ASIC2: variants seen among roughly 807,000 people sequenced by gnomAD.
ASIC2 encodes the protein acid-sensing ion channel 2.
ASIC2 carries 25 observed loss-of-function variants against 57.3 expected under a neutral mutation model. The ratio of observed to expected loss-of-function variants is 0.44; its 90% CI spans 0.32 to 0.61. The LOEUF is 0.61. Among genes scored for constraint, ASIC2 ranks in the 20% least tolerant of loss-of-function variants. The pLI is 0.06. For missense variants in ASIC2, 641 were observed against 738.1 expected, an observed-to-expected ratio of 0.87 and a Z score of 1.52; for synonymous variants, 319 against 307.5, an observed-to-expected ratio of 1.04 and a Z score of -0.39.
At chr17:33,853,018 C>T (rs895800898) in intron 1 of ASIC2, among the ~76,000 whole-genome samples, 1 of 152,234 alleles carries the variant, frequency 6.6e-6, no homozygotes, top group Non-Finnish European at 1.5e-5. Context: ...AAAAAGCTAT[C>T]AGCCTTTCCT....
chr17:33,291,530 G>C lies in ASIC2; in HGVS notation c.586C>G (p.Pro196Ala). Residue 196 changes from proline to alanine, a missense_variant, in exon 1 of 10, where the codon CCT (proline) becomes GCT (alanine). Physicochemically the swap from Pro to Ala is conservative, Grantham distance 27. This residue lies in a region of ASIC2 where 382 missense variants were observed against 398.0 expected (regional missense o/e 0.96). Coordinates refer to ENST00000225823, the MANE Select transcript of ASIC2 (RefSeq NM_183377.2). ...RKLADFRLFL[P>A]PRHFEGISAA... ...CTGATTCCCTCGAAGTGGCGCGGAG[G>C]CAGGAAGAGGCGGAAGTCCGCCAGC... 6.2e-7 allele frequency: 1 copy of C among 1,612,542 alleles called. No homozygotes were observed. The highest frequency in any genetic ancestry group is 1.3e-5 in the African/African-American group (1 of 75,052).
chr17:33,326,269 C>G (rs1597684198), intron 1 of ASIC2, among the ~76,000 whole-genome samples: 1 of 152,126 alleles, frequency 6.6e-6, no homozygotes, highest in Non-Finnish European at 1.5e-5. Flanking sequence ...GCAAGGAAAT[C>G]GAGGTCATTA....
intron 3 of ASIC2, among the ~76,000 whole-genome samples, chr17:33,081,576 T>G (rs2092113264): frequency 6.6e-6 from 1 of 151,812 alleles, no homozygotes; most frequent in Non-Finnish European, 1.5e-5. Flanking sequence ...AAAAACCAAC[T>G]GGGCAAGCTT....
intron 1 of ASIC2, among the ~76,000 whole-genome samples, chr17:33,493,240 G>A (rs974591278): frequency 6.6e-6 from 1 of 152,178 alleles, no homozygotes; most frequent in African/African-American, 2.4e-5. Flanking sequence ...CCTTTGCTCT[G>A]TACTGGGCTG....
At chr17:34,085,469 T>A (rs1910076946) in intron 1 of ASIC2, among the ~76,000 whole-genome samples, 1 of 152,254 alleles carries the variant, frequency 6.6e-6, no homozygotes, top group South Asian at 2.1e-4. Flanking sequence ...TTTGCATCGA[T>A]GTTCATCAAG....
chr17:33,129,533 T>C (rs2092336944), intron 1 of ASIC2, among the ~76,000 whole-genome samples: 1 of 152,198 alleles, frequency 6.6e-6, no homozygotes, highest in Non-Finnish European at 1.5e-5. Context: ...ACAACTAAAG[T>C]GTCCAACAAT....
chr17:33,132,513 G>A (rs2092350957), intron 1 of ASIC2, among the ~76,000 whole-genome samples: 1 of 152,190 alleles, frequency 6.6e-6, no homozygotes, highest in African/African-American at 2.4e-5. Flanking sequence ...TCTGCACACA[G>A]TAGGCATTCA....
At chr17:33,111,797 C>G in intron 2 of ASIC2, 120 bp downstream of exon 2, 8 of 1,401,862 alleles carry the variant, frequency 5.7e-6, no homozygotes, top group Non-Finnish European at 7.6e-6. Context: ...CAGCATGTCA[C>G]AAACCCCTTG....
intron 1 of ASIC2, among the ~76,000 whole-genome samples, chr17:33,456,415 C>A (rs1376305203): frequency 6.6e-6 from 1 of 152,164 alleles, no homozygotes; most frequent in Non-Finnish European, 1.5e-5. Context: ...TCCCCATCCC[C>A]CCTTCAGTCT....
chr17:34,099,575 AAAG>A (rs1223772180), intron 1 of ASIC2, among the ~76,000 whole-genome samples: 2 of 149,616 alleles, frequency 1.3e-5, no homozygotes, highest in Non-Finnish European at 3.0e-5. Context: ...GGGAGGGAGG[AAAG>A]AAGGAAGGAA....
At chr17:33,086,354 C>T (rs35858471) in intron 3 of ASIC2, among the ~76,000 whole-genome samples, 34,893 of 152,140 alleles carry the variant, frequency 0.23, 4,448 homozygotes, top group South Asian at 0.42. Flanking sequence ...GAGATGTCAA[C>T]ACAAGTAAGT....
chr17:33,269,120 T>C (rs1340457453), intron 1 of ASIC2, among the ~76,000 whole-genome samples: 1 of 152,212 alleles, frequency 6.6e-6, no homozygotes, highest in East Asian at 1.9e-4. Flanking sequence ...AGAACTATCC[T>C]GGGTACTTGC....
chr17:34,109,087 T>G (rs145795770), intron 1 of ASIC2, among the ~76,000 whole-genome samples: 240 of 151,924 alleles, frequency 1.6e-3, no homozygotes, highest in Admixed American at 2.8e-3. Flanking sequence ...CTTTAAGTTT[T>G]AGGGTATTTT....
intron 1 of ASIC2, chr17:34,070,781 T>G: frequency 6.6e-6 from 1 of 152,364 alleles, no homozygotes; most frequent in East Asian, 1.9e-4. Context: ...CATGTCTCCT[T>G]GTGTGCTAAC....
At chr17:33,197,220 G>A (rs1039323603) in intron 1 of ASIC2, among the ~76,000 whole-genome samples, 1 of 152,176 alleles carries the variant, frequency 6.6e-6, no homozygotes, top group African/African-American at 2.4e-5. Flanking sequence ...GCCACCTCTT[G>A]GATTTCATGT....
At chr17:34,122,292 T>C (rs1055758018) in intron 1 of ASIC2, among the ~76,000 whole-genome samples, 1 of 152,090 alleles carries the variant, frequency 6.6e-6, no homozygotes, top group African/African-American at 2.4e-5. Flanking sequence ...CACACCCAGA[T>C]AGCAAGTGGC....
intron 2 of ASIC2, among the ~76,000 whole-genome samples, chr17:33,090,987 T>C (rs2092155383): frequency 6.6e-6 from 1 of 152,178 alleles, no homozygotes; most frequent in South Asian, 2.1e-4. Flanking sequence ...CATTGTTCTG[T>C]GGTTTCTGTA....
chr17:33,703,272 G>T (rs1007632009), intron 1 of ASIC2, among the ~76,000 whole-genome samples: 1 of 151,954 alleles, frequency 6.6e-6, no homozygotes, highest in Non-Finnish European at 1.5e-5. Context: ...CAAATATTTG[G>T]ATTTTAATTA....
intron 1 of ASIC2, among the ~76,000 whole-genome samples, chr17:33,947,767 G>T (rs886636163): frequency 4.6e-5 from 7 of 152,170 alleles, no homozygotes; most frequent in African/African-American, 1.4e-4. Context: ...TTTATTTTCT[G>T]GTCAAAGAGG....
Sources: gnomAD v4.1 joint callset for allele counts (sites outside exome capture counted in the v4.1 genomes callset) on GRCh38, gnomAD v4.1.1 for gene constraint, gnomAD v4.1.1 regional missense constraint, MANE v1.5 for transcripts, NCBI Gene and HGNC (gene_info 2026-07-23, HGNC 2026-07-21) for gene names.